ZBTB20: variants seen among roughly 807,000 people sequenced by gnomAD.
ZBTB20 encodes the protein zinc finger and BTB domain-containing protein 20.
ZBTB20 carries 9 observed loss-of-function variants against 56.9 expected under a neutral mutation model. The observed-to-expected ratio is 0.16, with a 90% confidence interval of 0.10 to 0.28. The LOEUF is 0.28. ZBTB20 is among the 10% of genes least tolerant of loss of function. ZBTB20 has a pLI of 1.00. For missense variants in ZBTB20, 655 were observed against 1,003.0 expected (o/e 0.65, Z 4.69); for synonymous variants, 417 against 420.7 (o/e 0.99, Z 0.11).
At position 114,339,602 on chromosome 3, in the gene ZBTB20, A is replaced by C. The variant is rs2079609315; in HGVS notation, c.1805-176T>G. 6.6e-6 allele frequency among the ~76,000 whole-genome samples: 1 copy of C among 152,240 alleles called. No individual in the cohort carries two copies. Among genetic ancestry groups the C allele is most frequent in the Non-Finnish European group, 1.5e-5 (1 of 68,032 alleles). ...AAAATCCAGGCCCTCCTAGCCTCTC[A>C]TGTGCAGAGAAATTTTGCTTTATGG... is the stretch of plus-strand genomic sequence containing the variant. On this transcript the variant is annotated intron_variant, in intron 11 of 11. Transcript: ENST00000675478. This position sits in a 1 kb window ranked among gnomAD's most constrained non-coding sequence, Gnocchi z 4.2.
chr3:114,450,419 T>C (rs955326322), intron 7 of ZBTB20, among the ~76,000 whole-genome samples: 4 of 152,216 alleles, frequency 2.6e-5, no homozygotes, highest in Non-Finnish European at 5.9e-5. Flanking sequence ...TTAAAATTTT[T>C]TGTTGAACGA....
chr3:114,344,614 G>A (rs2080044491), intron 11 of ZBTB20, among the ~76,000 whole-genome samples: 1 of 152,162 alleles, frequency 6.6e-6, no homozygotes, highest in Admixed American at 6.5e-5. Context: ...TGAGGCTTAG[G>A]TCAGTTACAG....
intron 3 of ZBTB20, among the ~76,000 whole-genome samples, chr3:114,966,271 A>G (rs1013186971): frequency 2.0e-5 from 3 of 152,138 alleles, no homozygotes; most frequent in Non-Finnish European, 4.4e-5. Flanking sequence ...AGGTTCAAAG[A>G]TAAACTTGGG....
intron 6 of ZBTB20, among the ~76,000 whole-genome samples, chr3:114,648,293 T>C (rs991096621): frequency 6.6e-6 from 1 of 151,936 alleles, no homozygotes; most frequent in African/African-American, 2.4e-5. Context: ...ATAGAAACCA[T>C]TTGTGGAGTG....
chr3:114,710,614 C>A (rs1162975374), intron 5 of ZBTB20, among the ~76,000 whole-genome samples: 1 of 152,176 alleles, frequency 6.6e-6, no homozygotes, highest in Non-Finnish European at 1.5e-5. Context: ...CACATTGAGA[C>A]CCTCAGCAAC....
At chr3:114,829,918 C>T (rs1052756348) in intron 4 of ZBTB20, among the ~76,000 whole-genome samples, 2 of 151,702 alleles carry the variant, frequency 1.3e-5, no homozygotes, top group Non-Finnish European at 2.9e-5. Flanking sequence ...AAAAAGAAGG[C>T]AGTATAAGAA....
At chr3:114,655,864 A>G (rs2060383411) in intron 6 of ZBTB20, among the ~76,000 whole-genome samples, 1 of 152,254 alleles carries the variant, frequency 6.6e-6, no homozygotes, top group African/African-American at 2.4e-5. Flanking sequence ...TCTTTTAAAG[A>G]AATTAAAAGA....
intron 1 of ZBTB20, among the ~76,000 whole-genome samples, chr3:115,096,728 T>C (rs2083393579): frequency 6.6e-6 from 1 of 152,202 alleles, no homozygotes; most frequent in African/African-American, 2.4e-5. Flanking sequence ...GGCCACTGCT[T>C]AGAGTTGGGC....
intron 6 of ZBTB20, among the ~76,000 whole-genome samples, chr3:114,585,499 G>A (rs886402060): frequency 2.0e-5 from 3 of 152,170 alleles, no homozygotes; most frequent in Non-Finnish European, 4.4e-5. Context: ...GGGTTCAGAG[G>A]ATGCAGGAAG....
chr3:114,738,467 AG>A (rs1368865078), intron 5 of ZBTB20, among the ~76,000 whole-genome samples: 2 of 152,168 alleles, frequency 1.3e-5, no homozygotes, highest in Non-Finnish European at 2.9e-5. Flanking sequence ...GAAATAAGAT[AG>A]ATTTTCTTTC....
intron 1 of ZBTB20, among the ~76,000 whole-genome samples, chr3:115,132,520 T>G (rs925142103): frequency 6.6e-6 from 1 of 152,222 alleles, no homozygotes; most frequent in Non-Finnish European, 1.5e-5. Context: ...ACCAACTGTA[T>G]ATGATAAAGC....
intron 4 of ZBTB20, among the ~76,000 whole-genome samples, chr3:114,861,511 C>T (rs992729671): frequency 6.6e-6 from 1 of 152,180 alleles, no homozygotes; most frequent in Admixed American, 6.5e-5. Context: ...AATGACCCTT[C>T]ACATTCTAGA....
chr3:114,444,559 C>T (rs2091145951), intron 7 of ZBTB20, among the ~76,000 whole-genome samples: 1 of 152,138 alleles, frequency 6.6e-6, no homozygotes, highest in African/African-American at 2.4e-5. Context: ...CATAGGAGTA[C>T]ATCAAGAAAA....
At chr3:114,812,141 A>G (rs2072571838) in intron 4 of ZBTB20, among the ~76,000 whole-genome samples, 1 of 152,172 alleles carries the variant, frequency 6.6e-6, no homozygotes, top group Non-Finnish European at 1.5e-5. Context: ...CAAAGCTTCC[A>G]CAGTGTGGAA....
chr3:115,120,145 C>A (rs907990845), intron 1 of ZBTB20, among the ~76,000 whole-genome samples: 2 of 151,968 alleles, frequency 1.3e-5, no homozygotes, highest in African/African-American at 4.8e-5. Flanking sequence ...AAATGTATAA[C>A]GCCAAAAGTG....
At chr3:114,849,549 T>A (rs1243845584) in intron 4 of ZBTB20, among the ~76,000 whole-genome samples, 1 of 152,254 alleles carries the variant, frequency 6.6e-6, no homozygotes, top group Non-Finnish European at 1.5e-5. Context: ...TGTTTTCTAA[T>A]TGACAGTTGA....
intron 6 of ZBTB20, among the ~76,000 whole-genome samples, chr3:114,537,028 T>C (rs1246042329): frequency 6.6e-6 from 1 of 151,952 alleles, no homozygotes; most frequent in Non-Finnish European, 1.5e-5. Flanking sequence ...CCTCAAACCA[T>C]AAAAACCCTA....
In ZBTB20 at chr3:114,323,607, CAT is replaced by C. The variant is rs1266308443; in HGVS notation, c.*15396_*15397del. 6 of 152,232 alleles carry C rather than the reference CAT, an allele frequency of 3.9e-5. 1 individual carries two copies. The highest frequency in any genetic ancestry group is 4.1e-4 in the South Asian group (2 of 4,836). 9.4% of individuals were successfully genotyped at this position (152,232 alleles called of 1,614,324 possible). On this transcript the variant is annotated 3_prime_UTR_variant, in exon 12 of 12. Coordinates refer to ENST00000675478, the MANE Select transcript of ZBTB20 (RefSeq NM_001348800.3). ...GAGGCCAAGGCAAAGACTTCTACAT[CAT>C]ATCAATTGGCTTCTTCACTGTTAAA... is the stretch of plus-strand genomic sequence containing the variant.
chr3:114,746,064 CG>C (rs1251135824), intron 5 of ZBTB20, among the ~76,000 whole-genome samples: 2 of 152,118 alleles, frequency 1.3e-5, no homozygotes, highest in African/African-American at 2.4e-5. Context: ...AAACCATGTG[CG>C]GTTCATCCTG....
Sources: allele counts gnomAD v4.1 joint callset (sites outside exome capture counted in the v4.1 genomes callset), GRCh38; gene constraint gnomAD v4.1.1; non-coding constraint Gnocchi (gnomAD v3.1); transcripts MANE v1.5; gene names NCBI Gene and HGNC (gene_info 2026-07-23, HGNC 2026-07-21).